TXLNA: variants seen among roughly 807,000 people sequenced by gnomAD.
TXLNA encodes taxilin alpha.
In TXLNA, 9 loss-of-function variants were observed where a neutral mutation model predicts 61.4. The ratio of observed to expected loss-of-function variants is 0.15; its 90% CI spans 0.09 to 0.26. TXLNA has a LOEUF of 0.26. TXLNA is among the 10% of genes least tolerant of loss of function. TXLNA has a pLI of 1.00. For synonymous variants in TXLNA, 257 were observed against 267.7 expected (o/e 0.96, Z 0.39); for missense variants, 565 against 688.8 (o/e 0.82, Z 2.01).
Position 32,184,404 on chromosome 1 carries a change from T to G in TXLNA, c.506-121T>G, listed in dbSNP as rs537337198. 22 of 696,250 alleles carry G rather than the reference T, an allele frequency of 3.2e-5. No homozygotes were observed. The African/African-American group carries it at 3.7e-4, about 12-fold the overall frequency. The allele number at this position is 696,250 out of a possible 1,614,324, so 43.1% of individuals were successfully genotyped here. On this transcript the variant is annotated intron_variant, in intron 3 of 10. Coordinates refer to ENST00000373610, the MANE Select transcript of TXLNA (RefSeq NM_175852.4). ...TCCTTATGGCAAGGAAGGCAGCTAA[T>G]CAACAAGCAAAATATAAAGTATGAT...
intron 9 of TXLNA, 66 bp from the exon 10 acceptor site, chr1:32,193,999 C>A: frequency 7.5e-7 from 1 of 1,340,736 alleles, no homozygotes; most frequent in East Asian, 2.4e-5. Flanking sequence ...GCAGTCCCCA[C>A]CTTGGAGACA....
rs749481900 is a variant in TXLNA, at chr1:32,193,311, T to C, written c.1251+11T>C. The C allele has an allele frequency of 1.2e-6, 2 of 1,603,736 alleles. No individual in the cohort carries two copies. Among genetic ancestry groups the C allele is most frequent in the Non-Finnish European group, 1.7e-6 (2 of 1,170,854 alleles). ...CAGGAGATGGAAAAGGTAACTGTGG[T>C]CCAGGCCAGGCATGGCTGCTGGGGC... On this transcript the variant is annotated intron_variant, in intron 9 of 10. Coordinates refer to ENST00000373610, the MANE Select transcript of TXLNA (RefSeq NM_175852.4).
At chr1:32,180,235 C>G (rs1642623354) in intron 1 of TXLNA, 79 bp from the exon 2 acceptor site, 1 of 1,369,764 alleles carries the variant, frequency 7.3e-7, no homozygotes, top group African/African-American at 1.5e-5. Context: ...AAGCTTTGTG[C>G]GCCTGCTGTG....
In TXLNA at chr1:32,194,308, G is replaced by GT. The variant is rs560477195; in HGVS notation, c.1347+150dup. On this transcript the variant is annotated intron_variant, in intron 10 of 10. Transcript: ENST00000373610. ...AATGTCCAAGTCCAAAGTTAATGCT[G>GT]TTCTCTCCCCATGGGAGGTGGTGAG... 7.0e-4 allele frequency: 480 copies of GT among 685,816 alleles called. 1 individual carries two copies. Among genetic ancestry groups the GT allele is most frequent in the African/African-American group, 4.0e-3 (225 of 55,680 alleles). The allele number at this position is 685,816 out of a possible 1,614,324, so 42.5% of individuals were successfully genotyped here.
chr1:32,191,054 A>T (rs1642894561), intron 6 of TXLNA, among the ~76,000 whole-genome samples: 1 of 150,314 alleles, frequency 6.7e-6, no homozygotes, highest in African/African-American at 2.5e-5. Flanking sequence ...AGATTGTGCT[A>T]CTGCACTCTA....
At chr1:32,187,870 A>T in intron 4 of TXLNA, 84 bp from the exon 5 acceptor site, 1 of 1,460,160 alleles carries the variant, frequency 6.8e-7, no homozygotes, top group South Asian at 1.3e-5. Context: ...AGGGCAGCTC[A>T]GGAGACCCTA....
rs116328428 is a variant in TXLNA at position 32,187,092 on chromosome 1, C to T, written c.598-862C>T. ...TTTTGTATTTTTTTTTTAGTAGAAA[C>T]GGTTTCACCATGTTGGCCAGGCTGG... On this transcript the variant is annotated intron_variant, in intron 4 of 10. Transcript: ENST00000373610. 3.7e-3 allele frequency among the ~76,000 whole-genome samples: 557 copies of T among 151,804 alleles called. 1 individual carries two copies. Among genetic ancestry groups the T allele is most frequent in the African/African-American group, 0.013 (518 of 41,386 alleles).
At chr1:32,185,639 A>G (rs572316895) in intron 4 of TXLNA, among the ~76,000 whole-genome samples, 2 of 139,506 alleles carry the variant, frequency 1.4e-5, no homozygotes, top group East Asian at 4.2e-4. Flanking sequence ...TGACCTCGTG[A>G]TCCGCCCGCC....
intron 4 of TXLNA, among the ~76,000 whole-genome samples, chr1:32,184,920 T>C: frequency 6.6e-6 from 1 of 152,220 alleles, no homozygotes; most frequent in East Asian, 1.9e-4. Context: ...TACAGATGCA[T>C]AGAGCCATTA....
At chr1:32,181,760 C>T (rs911290953) in intron 3 of TXLNA, among the ~76,000 whole-genome samples, 183 bp downstream of exon 3, 56 of 152,276 alleles carry the variant, frequency 3.7e-4, no homozygotes, top group African/African-American at 1.3e-3. Flanking sequence ...CAGGAGTTAC[C>T]AGCACAAAGC....
rs954232680 is a variant in TXLNA, at chr1:32,181,351, G to A, written c.279G>A (p.Gly93=). ...LSTYCVDNNQ[G]GPGEDGAQGE... ...CATACTGTGTGGACAATAACCAGGG[G>A]GGCCCCGGCGAGGATGGGGCACAGG... Residue 93 remains glycine, a synonymous_variant, in exon 3 of 11, where the codon GGG becomes GGA. Coordinates refer to ENST00000373610, the MANE Select transcript of TXLNA (RefSeq NM_175852.4). 6.2e-7 allele frequency: 1 copy of A among 1,614,088 alleles called. No homozygotes were observed. Among genetic ancestry groups the A allele is most frequent in the Non-Finnish European group, 8.5e-7 (1 of 1,180,054 alleles).
In TXLNA at chr1:32,192,304, G is replaced by T. The variant is rs1054436502; in HGVS notation, c.964-7G>T. On this transcript the variant is annotated splice_polypyrimidine_tract_variant and splice_region_variant and intron_variant, in intron 6 of 10. Coordinates refer to ENST00000373610, the MANE Select transcript of TXLNA (RefSeq NM_175852.4). This position sits in a 1 kb window ranked among gnomAD's most constrained non-coding sequence, Gnocchi z 4.2. ...CAAGCCGACTGCTCCCACCATCTTT[G>T]TTGCAGCATATCGACAAAGTCTTCA... 2.5e-6 allele frequency: 4 copies of T among 1,613,510 alleles called. No homozygotes were observed. In the East Asian group the frequency reaches 6.7e-5, roughly 27 times the overall value.
chr1:32,182,983 C>T (rs1642699633), intron 3 of TXLNA, among the ~76,000 whole-genome samples: 1 of 151,554 alleles, frequency 6.6e-6, no homozygotes, highest in South Asian at 2.1e-4. Context: ...AGGAGAATCA[C>T]TTGAACCCGT....
intron 10 of TXLNA, 33 bp downstream of exon 10, chr1:32,194,193 G>T (rs777251581): frequency 1.1e-4 from 179 of 1,579,578 alleles, no homozygotes; most frequent in Non-Finnish European, 1.5e-4. Flanking sequence ...CCAGGGTGGG[G>T]GTGTGCACTT....
intron 3 of TXLNA, among the ~76,000 whole-genome samples, chr1:32,182,864 G>C (rs999402103): frequency 6.6e-6 from 1 of 151,534 alleles, no homozygotes; most frequent in Non-Finnish European, 1.5e-5. Flanking sequence ...TCAGGAGTTC[G>C]AGACCAGCCT....
At chr1:32,194,871 A>G in intron 10 of TXLNA, 31 bp from the exon 11 acceptor site, 1 of 1,568,728 alleles carries the variant, frequency 6.4e-7, no homozygotes, top group Non-Finnish European at 8.6e-7. Context: ...TTGATGGGGC[A>G]CGGCACTGAA....
In TXLNA at chr1:32,181,513, G is replaced by C. The variant is rs756624102; in HGVS notation, c.441G>C (p.Gln147His). ...KGDPNTEEIR[Q>H]SDEVGDRDHR... Reference sequence around the variant, plus strand: ...ATCCAAACACAGAAGAGATCCGGCAGAGTGACGAGGTCGGAGACCGAGACC... The same window carrying C: ...ATCCAAACACAGAAGAGATCCGGCACAGTGACGAGGTCGGAGACCGAGACC... Residue 147 changes from glutamine to histidine, a missense_variant, in exon 3 of 11, where the codon CAG (glutamine) becomes CAC (histidine). Gln to His is a conservative substitution (Grantham distance 24). This residue lies in a region of TXLNA where 373 missense variants were observed against 504.0 expected (regional missense o/e 0.74). Coordinates refer to ENST00000373610, the MANE Select transcript of TXLNA (RefSeq NM_175852.4). The C allele has an allele frequency of 6.2e-7, 1 of 1,600,844 alleles. No individual in the cohort carries two copies. The highest frequency in any genetic ancestry group is 1.1e-5 in the South Asian group (1 of 89,526).
chr1:32,192,306 T>G lies in TXLNA; in HGVS notation c.964-5T>G. 6.2e-7 allele frequency: 1 copy of G among 1,613,578 alleles called. No individual in the cohort carries two copies. The highest frequency in any genetic ancestry group is 8.5e-7 in the Non-Finnish European group (1 of 1,179,538). ...AGCCGACTGCTCCCACCATCTTTGT[T>G]GCAGCATATCGACAAAGTCTTCAAA... On this transcript the variant is annotated splice_polypyrimidine_tract_variant and splice_region_variant and intron_variant, in intron 6 of 10. Transcript: ENST00000373610. This position sits in a 1 kb window ranked among gnomAD's most constrained non-coding sequence, Gnocchi z 4.2.
chr1:32,192,503 G>C lies in TXLNA; in HGVS notation c.1083+73G>C. 1 of 1,600,270 alleles carries C rather than the reference G, an allele frequency of 6.2e-7. No homozygotes were observed. The highest frequency in any genetic ancestry group is 8.5e-7 in the Non-Finnish European group (1 of 1,170,868). ...TGGGCTCTGGCTCAGCTCATAGCCGGGTTATATGGGAGAAGTCTGGCCAGA... is the reference window on the plus strand; with the variant it reads ...TGGGCTCTGGCTCAGCTCATAGCCGCGTTATATGGGAGAAGTCTGGCCAGA... On this transcript the variant is annotated intron_variant, in intron 7 of 10. Transcript: ENST00000373610. The surrounding 1 kb of genome is among the most constrained non-coding windows in gnomAD (Gnocchi z 4.2).
Sources: allele counts gnomAD v4.1 joint callset (sites outside exome capture counted in the v4.1 genomes callset), GRCh38; gene constraint gnomAD v4.1.1; regional missense constraint gnomAD v4.1.1; non-coding constraint Gnocchi (gnomAD v3.1); transcripts MANE v1.5; gene names NCBI Gene and HGNC (gene_info 2026-07-23, HGNC 2026-07-21).